The following ELK4 variants were observed in gnomAD, a reference collection of about 807,000 sequenced individuals.
ELK4 encodes ETS domain-containing protein Elk-4.
Under a neutral mutation model 29.6 loss-of-function variants are expected in ELK4, and 16 were observed. The ratio of observed to expected loss-of-function variants is 0.54; its 90% confidence interval spans 0.37 to 0.82. ELK4 has a LOEUF of 0.82. Ranked by LOEUF, ELK4 falls within the 40% of genes least tolerant of loss-of-function variation. The pLI is 0.00. For synonymous variants in ELK4, 213 were observed against 191.1 expected (o/e 1.11, Z -0.95); for missense variants, 465 against 507.1 (o/e 0.92, Z 0.80).
rs1414784829 is a variant in ELK4 at position 205,615,715 on chromosome 1, C to T, written c.*831G>A. The T allele has an allele frequency of 9.6e-6, 2 of 209,052 alleles. No homozygotes were observed. The highest frequency in any genetic ancestry group is 4.5e-5 in the African/African-American group (2 of 43,964). The allele number at this position is 209,052 out of a possible 1,614,324, so 12.9% of individuals were successfully genotyped here. ...CTCCTAAAAGTGATCATTTCCCATG[C>T]TGTATTCCATGGGCATATAATCATA... On this transcript the variant is annotated 3_prime_UTR_variant, in exon 5 of 5. Transcript: ENST00000357992.
At chr1:205,622,107 G>A (rs559665381) in intron 2 of ELK4, among the ~76,000 whole-genome samples, 2 of 152,106 alleles carry the variant, frequency 1.3e-5, no homozygotes, top group South Asian at 2.1e-4. Flanking sequence ...CCAGCTACTC[G>A]GGAGGCTGAG....
rs1255862771 is a variant in ELK4, at chr1:205,625,846, T to A, written c.-9-1955A>T. 8.2e-6 allele frequency: 5 copies of A among 609,698 alleles called. No individual in the cohort carries two copies. The East Asian group carries it at 1.5e-4, about 18-fold the overall frequency. 37.8% of individuals were successfully genotyped at this position (609,698 alleles called of 1,614,324 possible). ...GGTGCATGCCACCACGCCCAGCTAA[T>A]TTTTGTATTTTTAGTAGAGGTGGGG... On this transcript the variant is annotated intron_variant, in intron 1 of 4. Coordinates refer to ENST00000357992, the MANE Select transcript of ELK4 (RefSeq NM_001973.4).
rs149095787 is a variant in ELK4, at chr1:205,623,797, T to C, written c.86A>G (p.Asn29Ser). 1.6e-4 allele frequency: 261 copies of C among 1,614,094 alleles called. No homozygotes were observed. The African/African-American group carries it at 2.4e-3, about 15-fold the overall frequency. Residue 29 changes from asparagine to serine, a missense_variant, in exon 2 of 5, where the codon AAT becomes AGT. Physicochemically the swap from Asn to Ser is conservative, Grantham distance 46. Around this residue, in one of 2 missense-constraint regions of ELK4, gnomAD observed 385 missense variants for 387.5 expected, o/e 0.99. Transcript: ENST00000357992. ...QNKHMICWTSNDGQFKLLQAE... is the reference protein window; with the variant it reads ...QNKHMICWTSSDGQFKLLQAE... ...CTGCAAAAGCTTAAACTGCCCATCA[T>C]TAGAGGTCCAACAGATCATGTGCTT...
intron 4 of ELK4, among the ~76,000 whole-genome samples, chr1:205,618,541 G>A (rs1670273950): frequency 1.3e-5 from 2 of 152,122 alleles, no homozygotes. Context: ...AATATTCATT[G>A]GGCAGGGCAC....
rs1670301880 is a variant in ELK4, at chr1:205,619,977, ATG to A, written c.1067_1068del (p.Ala356ValfsTer39). ...AGCGAGCAAGCTACCTGTGAAAAAA[ATG>A]CTGGTGTAAGAGAAGCTGTAGGGAG... is the stretch of plus-strand genomic sequence containing the variant. ...PSLPTASLTPAFFSQTPIILT... is the reference protein window; with the variant it reads ...PSLPTASLTPXFFSQTPIILT... On this transcript the variant is annotated frameshift_variant, in exon 3 of 5. Transcript: ENST00000357992. LOFTEE classifies it high-confidence loss of function. 2 of 1,614,136 alleles carry A rather than the reference ATG, an allele frequency of 1.2e-6. No homozygotes were observed. The highest frequency in any genetic ancestry group is 2.7e-5 in the African/African-American group (2 of 74,952).
At position 205,613,763 on chromosome 1, in the gene ELK4, A is replaced by G. The variant is rs1670189310; in HGVS notation, c.*2783T>C. 1 of 197,890 alleles carries G rather than the reference A, an allele frequency of 5.1e-6. No homozygotes were observed. The highest frequency in any genetic ancestry group is 1.0e-5 in the Non-Finnish European group (1 of 96,274). 12.3% of individuals were successfully genotyped at this position (197,890 alleles called of 1,614,324 possible). On this transcript the variant is annotated 3_prime_UTR_variant, in exon 5 of 5. Coordinates refer to ENST00000357992, the MANE Select transcript of ELK4 (RefSeq NM_001973.4). ...CAGAAGGAAAGCTAAGGTATCAGAG[A>G]AGATGTCTCAAAACCCCATTCAATC...
rs764492506 is a variant in ELK4, at chr1:205,620,187, A to G, written c.859T>C (p.Ser287Pro). The change falls in exon 3 of 5, where the codon TCT (serine) becomes CCT (proline). Residue 287 changes from serine to proline, a missense_variant. Coordinates refer to ENST00000357992, the MANE Select transcript of ELK4 (RefSeq NM_001973.4). Reference protein sequence around the residue: ...DIDTDIDSVASQPMELPENLS... With the variant: ...DIDTDIDSVAPQPMELPENLS... ...TTCTCTGGAAGTTCCATTGGCTGAGAAGCCACTGAATCAATGTCTGTGTCG... is the reference window on the plus strand; with the variant it reads ...TTCTCTGGAAGTTCCATTGGCTGAGGAGCCACTGAATCAATGTCTGTGTCG... 6.8e-6 allele frequency: 11 copies of G among 1,614,086 alleles called. No individual in the cohort carries two copies. In the African/African-American group the frequency reaches 9.3e-5, roughly 14 times the overall value.
chr1:205,631,155 A>C (rs2102388972), intron 1 of ELK4, among the ~76,000 whole-genome samples: 1 of 152,266 alleles, frequency 6.6e-6, no homozygotes, highest in Admixed American at 6.5e-5. Flanking sequence ...CTGGAGCGAA[A>C]GAGAAAAAGA....
At chr1:205,619,175 C>T in intron 3 of ELK4, 102 bp from the exon 4 acceptor site, 2 of 1,188,102 alleles carry the variant, frequency 1.7e-6, no homozygotes, top group Non-Finnish European at 2.2e-6. Context: ...GCCCTATCCT[C>T]CACTCCAAAT....
chr1:205,619,138 C>G (rs998366542), intron 3 of ELK4, 65 bp from the exon 4 acceptor site: 72 of 1,355,314 alleles, frequency 5.3e-5, no homozygotes, highest in Non-Finnish European at 6.9e-5. Context: ...CTTGAAACAG[C>G]ACACAAATAA....
chr1:205,610,167 C>T lies in ELK4; in HGVS notation c.*6379G>A. 1 of 232,246 alleles carries T rather than the reference C, an allele frequency of 4.3e-6. No homozygotes were observed. The highest frequency in any genetic ancestry group is 6.1e-5 in the East Asian group (1 of 16,448). 14.4% of individuals were successfully genotyped at this position (232,246 alleles called of 1,614,324 possible). The stretch of plus-strand genomic sequence containing the variant: ...TGGGCCAGCCACAGGAAACCCCCAC[C>T]TCCTCCCCGACCCCATCCAGAAGAT... On this transcript the variant is annotated 3_prime_UTR_variant, in exon 5 of 5. Transcript: ENST00000357992.
intron 1 of ELK4, among the ~76,000 whole-genome samples, chr1:205,627,221 A>G (rs950631759): frequency 4.2e-4 from 64 of 152,294 alleles, no homozygotes; most frequent in African/African-American, 1.4e-3. Context: ...AAAATATTAT[A>G]AACTTAGGCA....
chr1:205,622,492 T>C (rs1415906500), intron 2 of ELK4, among the ~76,000 whole-genome samples: 2 of 152,106 alleles, frequency 1.3e-5, no homozygotes, highest in African/African-American at 4.8e-5. Context: ...CACTTGAGCT[T>C]AAGTGATCCT....
In ELK4 at chr1:205,616,006, TCTTA is replaced by T. The variant is rs1367882817; in HGVS notation, c.*536_*539del. The T allele has an allele frequency of 1.3e-5, 3 of 224,444 alleles. No homozygotes were observed. Among genetic ancestry groups the T allele is most frequent in the Middle Eastern group, 1.3e-3 (1 of 746 alleles). The allele number at this position is 224,444 out of a possible 1,614,324, so 13.9% of individuals were successfully genotyped here. ...AATCTCCCCAGTATGACTGCTCCAA[TCTTA>T]CTTTGTATGAATAGGAATGATTCTT... On this transcript the variant is annotated 3_prime_UTR_variant, in exon 5 of 5. Coordinates refer to ENST00000357992, the MANE Select transcript of ELK4 (RefSeq NM_001973.4).
chr1:205,619,607 A>G, intron 3 of ELK4: 1 of 1,281,012 alleles, frequency 7.8e-7, no homozygotes, highest in Non-Finnish European at 9.8e-7. Context: ...TATGGTTCTC[A>G]GGACCTACTG....
At chr1:205,627,382 G>A (rs1179292739) in intron 1 of ELK4, among the ~76,000 whole-genome samples, 1 of 151,976 alleles carries the variant, frequency 6.6e-6, no homozygotes, top group African/African-American at 2.4e-5. Flanking sequence ...GGTGGTGGGC[G>A]CCTGTAGTCC....
rs1417401415 is a variant in ELK4, at chr1:205,618,375, TG to T, written c.1197+581del. ...TAGAGAATTTCTAGTGACAAAAACT[TG>T]GGGTAGGCTCTAAATCTCCTACAGT... On this transcript the variant is annotated intron_variant, in intron 4 of 4. Transcript: ENST00000357992. 7.9e-5 allele frequency among the ~76,000 whole-genome samples: 12 copies of T among 151,946 alleles called. No homozygotes were observed. The East Asian group carries it at 1.7e-3, about 22-fold the overall frequency.
At chr1:205,623,172 AAAAG>A (rs1193173187) in intron 2 of ELK4, among the ~76,000 whole-genome samples, 1,697 of 151,346 alleles carry the variant, frequency 0.011, 33 homozygotes, top group African/African-American at 0.04. Flanking sequence ...AAAAAAAAAA[AAAAG>A]AAGAAGATTT....
intron 1 of ELK4, among the ~76,000 whole-genome samples, chr1:205,630,333 G>A (rs1374100686): frequency 6.6e-6 from 1 of 152,176 alleles, no homozygotes; most frequent in Non-Finnish European, 1.5e-5. Flanking sequence ...TTGAAGTAAT[G>A]TATTAAGGAA....
Sources: gnomAD v4.1 joint callset for allele counts (sites outside exome capture counted in the v4.1 genomes callset) on GRCh38, gnomAD v4.1.1 for gene constraint, gnomAD v4.1.1 regional missense constraint, MANE v1.5 for transcripts, NCBI Gene and HGNC (gene_info 2026-07-23, HGNC 2026-07-21) for gene names.